The following LINGO2 variants were observed in gnomAD, a reference collection of about 807,000 sequenced individuals.
LINGO2 encodes leucine-rich repeat and immunoglobulin-like domain-containing nogo receptor-interacting protein 2.
LINGO2 carries 14 observed loss-of-function variants against 30.6 expected under a neutral mutation model. The observed-to-expected ratio is 0.46, with a 90% CI of 0.30 to 0.72. The LOEUF (loss-of-function observed/expected upper bound fraction) is 0.72, where lower values mean the gene tolerates loss of function less well. Among genes scored for constraint, LINGO2 ranks in the 30% least tolerant of loss-of-function variants. LINGO2 has a pLI of 0.07. For synonymous variants in LINGO2, 317 were observed against 288.5 expected (o/e 1.10, Z -1.00); for missense variants, 729 against 751.7 (o/e 0.97, Z 0.35).
chr9:28,101,464 T>A (rs1319060230), intron 4 of LINGO2, among the ~76,000 whole-genome samples: 2 of 152,208 alleles, frequency 1.3e-5, no homozygotes, highest in African/African-American at 2.4e-5. Context: ...AAAAGGCTTC[T>A]AATTTCTTGC....
chr9:28,547,475 T>C (rs1366222100), intron 1 of LINGO2, among the ~76,000 whole-genome samples: 1 of 152,138 alleles, frequency 6.6e-6, no homozygotes, highest in African/African-American at 2.4e-5. Flanking sequence ...TTGCTCTTAA[T>C]AGAAACACTA....
the LINGO2 span, among the ~76,000 whole-genome samples, chr9:28,815,644 C>T: frequency 4.6e-5 from 7 of 151,958 alleles, no homozygotes; most frequent in Non-Finnish European, 1.0e-4. Context: ...CAATTACCAC[C>T]AGCACTAGTA....
chr9:28,640,768 C>A (rs531852322), intron 1 of LINGO2, among the ~76,000 whole-genome samples: 1 of 152,116 alleles, frequency 6.6e-6, no homozygotes, highest in East Asian at 1.9e-4. Context: ...GCCATGGGTT[C>A]GAACTTCCTC....
chr9:28,264,093 A>T (rs1389505484), intron 4 of LINGO2, among the ~76,000 whole-genome samples: 1 of 151,732 alleles, frequency 6.6e-6, no homozygotes, highest in Non-Finnish European at 1.5e-5. Context: ...ATCTGTAGCC[A>T]TCAAATCATC....
chr9:28,975,655 A>G, the LINGO2 span, among the ~76,000 whole-genome samples: 6 of 152,112 alleles, frequency 3.9e-5, no homozygotes, highest in African/African-American at 1.4e-4. Context: ...TTAATATTCT[A>G]TTACTCCTTG....
chr9:28,343,666 T>C (rs758959442), intron 3 of LINGO2, among the ~76,000 whole-genome samples: 2 of 152,052 alleles, frequency 1.3e-5, no homozygotes, highest in Non-Finnish European at 1.5e-5. Flanking sequence ...TATTTAAGGA[T>C]CTTACTCAGG....
rs551058593 is a variant in LINGO2 at position 28,567,046 on chromosome 9, G to T, written c.-364-91021C>A. Among the ~76,000 whole-genome samples, 3 of 152,172 alleles carry T rather than the reference G, an allele frequency of 2.0e-5. No homozygotes were observed. The East Asian group carries it at 5.8e-4, about 29-fold the overall frequency. On this transcript the variant is annotated intron_variant, in intron 1 of 5. Transcript: ENST00000379992. ...TGATATTTATCCATGACTCCACACA[G>T]AAAACAATAAACAAATAAACCTTAT...
chr9:29,026,280 C>A, the LINGO2 span, among the ~76,000 whole-genome samples: 1 of 152,114 alleles, frequency 6.6e-6, no homozygotes, highest in Admixed American at 6.6e-5. Flanking sequence ...CCTCCCTCCT[C>A]AGCCTTCTAA....
intron 4 of LINGO2, among the ~76,000 whole-genome samples, chr9:28,197,895 T>C (rs1329555756): frequency 6.6e-6 from 1 of 151,914 alleles, no homozygotes; most frequent in Non-Finnish European, 1.5e-5. Context: ...CCTTACTCAT[T>C]ATAAGAGAAA....
chr9:28,605,118 T>A (rs934549579), intron 1 of LINGO2, among the ~76,000 whole-genome samples: 4 of 152,190 alleles, frequency 2.6e-5, no homozygotes, highest in African/African-American at 9.6e-5. Context: ...TGTGTCTAGT[T>A]TAAATTTAGA....
intron 4 of LINGO2, among the ~76,000 whole-genome samples, chr9:28,028,524 A>T (rs1462131386): frequency 6.6e-6 from 1 of 152,138 alleles, no homozygotes; most frequent in African/African-American, 2.4e-5. Context: ...CAATATACAT[A>T]ATATAATCAT....
chr9:28,440,125 G>T (rs1489904382), intron 2 of LINGO2, among the ~76,000 whole-genome samples: 2 of 152,046 alleles, frequency 1.3e-5, no homozygotes, highest in Non-Finnish European at 2.9e-5. Flanking sequence ...TTTACACAGT[G>T]ACATTTTGTT....
chr9:28,308,337 T>C (rs781563947), intron 3 of LINGO2, among the ~76,000 whole-genome samples: 2,766 of 106,616 alleles, frequency 0.026, 19 homozygotes, highest in Middle Eastern at 0.044. Flanking sequence ...GGGAAAGGAT[T>C]CCCTATTTAA....
chr9:28,864,458 C>T, the LINGO2 span, among the ~76,000 whole-genome samples: 3 of 152,090 alleles, frequency 2.0e-5, no homozygotes, highest in East Asian at 1.9e-4. Flanking sequence ...AACCAGAATC[C>T]CACCTTTTAA....
intron 5 of LINGO2, among the ~76,000 whole-genome samples, chr9:27,984,972 T>C (rs1364779549): frequency 6.6e-6 from 1 of 151,598 alleles, no homozygotes; most frequent in African/African-American, 2.4e-5. Context: ...AACAATAGAG[T>C]TTTAGGGGAA....
chr9:28,878,279 C>T, the LINGO2 span, among the ~76,000 whole-genome samples: 2 of 152,078 alleles, frequency 1.3e-5, no homozygotes, highest in Admixed American at 6.6e-5. Flanking sequence ...CCTCCCAAGA[C>T]TAAACCAGGA....
intron 4 of LINGO2, among the ~76,000 whole-genome samples, chr9:28,192,669 G>C (rs1442480112): frequency 6.6e-6 from 1 of 152,108 alleles, no homozygotes; most frequent in Non-Finnish European, 1.5e-5. Context: ...ACACCGCAAT[G>C]TTCTACGGGT....
chr9:28,505,588 A>G (rs1820075960), intron 1 of LINGO2, among the ~76,000 whole-genome samples: 2 of 152,014 alleles, frequency 1.3e-5, no homozygotes, highest in South Asian at 2.1e-4. Context: ...ATTATAAATC[A>G]TAAATGGATA....
chr9:29,006,915 T>C, the LINGO2 span, among the ~76,000 whole-genome samples: 1 of 152,052 alleles, frequency 6.6e-6, no homozygotes, highest in Non-Finnish European at 1.5e-5. Flanking sequence ...TGTGAAATGG[T>C]AATGAAATGG....
Sources: allele counts gnomAD v4.1 joint callset (sites outside exome capture counted in the v4.1 genomes callset), GRCh38; gene constraint gnomAD v4.1.1; transcripts MANE v1.5; gene names NCBI Gene and HGNC (gene_info 2026-07-23, HGNC 2026-07-21).